PRDM16: variants seen among roughly 807,000 people sequenced by gnomAD.
PRDM16 encodes histone-lysine N-methyltransferase PRDM16.
PRDM16 carries 23 observed loss-of-function variants against 110.6 expected under a neutral mutation model. The observed-to-expected ratio is 0.21, with a 90% CI of 0.15 to 0.29. The LOEUF (loss-of-function observed/expected upper bound fraction) is 0.29. Ranked by LOEUF, PRDM16 falls within the 10% of genes least tolerant of loss-of-function variation. The probability of loss-of-function intolerance (pLI) is 1.00; values close to 1 mark genes in which losing one functional copy is unlikely to be tolerated. For missense variants in PRDM16, 1,615 were observed against 1,794.3 expected, an observed-to-expected ratio of 0.90 and a Z score of 1.81; for synonymous variants, 799 against 781.8, an observed-to-expected ratio of 1.02 and a Z score of -0.37.
rs1638626156 is a variant in PRDM16, at chr1:3,201,477, C to T, written c.387+15003C>T. On this transcript the variant is annotated intron_variant, in intron 2 of 16. Transcript: ENST00000270722. This position sits in a 1 kb window ranked among gnomAD's most constrained non-coding sequence, Gnocchi z 4.1. The stretch of plus-strand genomic sequence containing the variant: ...AGCTCCCACCGCAGGGCCCAGCCTC[C>T]TGCTCACTGGGATATTCCCTCATGA... 1.3e-5 allele frequency among the ~76,000 whole-genome samples: 2 copies of T among 152,320 alleles called. No homozygotes were observed. The highest frequency in any genetic ancestry group is 2.1e-4 in the South Asian group (1 of 4,824).
Position 3,390,369 on chromosome 1 carries a change from G to A in PRDM16, c.573+5083G>A, listed in dbSNP as rs914876281. ...CGGGCCCCCCAGCGTACCACGGAACGGCTGTAGGGCTCTCAAACGACCTGT... is the reference window on the plus strand; with the variant it reads ...CGGGCCCCCCAGCGTACCACGGAACAGCTGTAGGGCTCTCAAACGACCTGT... On this transcript the variant is annotated intron_variant, in intron 4 of 16. Transcript: ENST00000270722. The surrounding 1 kb of genome is among the most constrained non-coding windows in gnomAD (Gnocchi z 5.0). Among the ~76,000 whole-genome samples, 7 of 152,264 alleles carry A rather than the reference G, an allele frequency of 4.6e-5. No homozygotes were observed. The highest frequency in any genetic ancestry group is 2.1e-4 in the South Asian group (1 of 4,816).
intron 3 of PRDM16, among the ~76,000 whole-genome samples, chr1:3,247,926 C>T (rs1413282602): frequency 6.6e-6 from 1 of 152,238 alleles, no homozygotes; most frequent in East Asian, 1.9e-4. Flanking sequence ...AGCCCGGGGG[C>T]TCCTGGAGAG....
chr1:3,185,693 A>G (rs1320039687), intron 1 of PRDM16, among the ~76,000 whole-genome samples: 1 of 152,188 alleles, frequency 6.6e-6, no homozygotes, highest in African/African-American at 2.4e-5. Flanking sequence ...TCTGGTGCAA[A>G]TATTTCACCA....
chr1:3,170,466 G>C (rs1481004199), intron 1 of PRDM16, among the ~76,000 whole-genome samples: 1 of 152,162 alleles, frequency 6.6e-6, no homozygotes, highest in Non-Finnish European at 1.5e-5. Context: ...CAGGTGCTGG[G>C]CAATGAGTTT....
In PRDM16 at chr1:3,314,071, CGG is replaced by C. The variant is rs747479644; in HGVS notation, c.438+69944_438+69945del. On this transcript the variant is annotated intron_variant, in intron 3 of 16. Transcript: ENST00000270722. ...GCCCCCGAATGCCGTCCTTCCCCAC[CGG>C]GGGGGGGGGCGGGAACATAAAATGG... is the stretch of plus-strand genomic sequence containing the variant. Among the ~76,000 whole-genome samples the C allele has an allele frequency of 7.9e-3, 798 of 100,658 alleles. 151 individuals carry two copies. The highest frequency in any genetic ancestry group is 0.046 in the African/African-American group (753 of 16,358). The allele number at this position is 100,658 out of a possible 152,430, so 66.0% of individuals were successfully genotyped here. A position where few individuals can be genotyped will look rare whatever the true frequency, so the allele number is the denominator to read the frequency against.
At chr1:3,214,357 A>G (rs1163871746) in intron 2 of PRDM16, among the ~76,000 whole-genome samples, 1 of 152,128 alleles carries the variant, frequency 6.6e-6, no homozygotes, top group Non-Finnish European at 1.5e-5. Flanking sequence ...GGCTTTTAAG[A>G]GCTGATGTCC....
At chr1:3,286,753 C>T (rs1640852973) in intron 3 of PRDM16, among the ~76,000 whole-genome samples, 1 of 152,202 alleles carries the variant, frequency 6.6e-6, no homozygotes, top group Non-Finnish European at 1.5e-5. Flanking sequence ...GCTTAACTCA[C>T]AGGAGACCTG....
rs369660990 is a variant in PRDM16 at position 3,385,298 on chromosome 1, C to T, written c.573+12C>T. On this transcript the variant is annotated intron_variant, in intron 4 of 16. Coordinates refer to ENST00000270722, the MANE Select transcript of PRDM16 (RefSeq NM_022114.4). ...AGATCAGTGAGCAGGTAGGTCCGGG[C>T]TCATAACAGGGGCTTCTGCCTCTTG... 1 of 1,613,124 alleles carries T rather than the reference C, an allele frequency of 6.2e-7. No individual in the cohort carries two copies.
intron 3 of PRDM16, among the ~76,000 whole-genome samples, chr1:3,266,153 GA>G (rs1340976554): frequency 6.6e-6 from 1 of 152,220 alleles, no homozygotes; most frequent in Non-Finnish European, 1.5e-5. Context: ...TGCTGCTTCA[GA>G]AGTTCAGAAA....
At chr1:3,279,608 C>T (rs921256827) in intron 3 of PRDM16, among the ~76,000 whole-genome samples, 9 of 152,236 alleles carry the variant, frequency 5.9e-5, no homozygotes, top group African/African-American at 1.9e-4. Context: ...AGGAAGGTGC[C>T]GGCCCCTCTC....
chr1:3,093,018 C>T (rs949344865), intron 1 of PRDM16, among the ~76,000 whole-genome samples: 2 of 152,278 alleles, frequency 1.3e-5, no homozygotes. Flanking sequence ...AATCACTGTC[C>T]AACTCCTGTA....
chr1:3,243,143 C>T lies in PRDM16; in HGVS notation c.388-944C>T, dbSNP rs536456193. The stretch of plus-strand genomic sequence containing the variant: ...CTGGCCCACTCCAGCCTCCCTGTCT[C>T]GGCCTCTGTCCACACGTGGGTGAGG... On this transcript the variant is annotated intron_variant, in intron 2 of 16. Transcript: ENST00000270722. The surrounding 1 kb of genome is among the most constrained non-coding windows in gnomAD (Gnocchi z 5.5). Among the ~76,000 whole-genome samples the T allele has an allele frequency of 6.6e-6, 1 of 152,358 alleles. No homozygotes were observed. The highest frequency in any genetic ancestry group is 6.5e-5 in the Admixed American group (1 of 15,310).
chr1:3,305,082 G>A (rs1397621307), intron 3 of PRDM16, among the ~76,000 whole-genome samples: 6 of 152,176 alleles, frequency 3.9e-5, no homozygotes, highest in East Asian at 1.9e-4. Flanking sequence ...GCTCCCAGCC[G>A]GAAAGCCTGT....
In PRDM16 at chr1:3,433,733, G is replaced by A. The variant is rs751372298; in HGVS notation, c.3753G>A (p.Gln1251=). The A allele has an allele frequency of 1.8e-5, 29 of 1,613,898 alleles. No individual in the cohort carries two copies. In the South Asian group the frequency reaches 3.1e-4, roughly 17 times the overall value. ...SEDTPLHTPS[Q]GSLDAWLKVT... ...ACACTCCTCTCCACACCCCCTCCCA[G>A]GGTTCTCTGGACGCTTGGTTGAAGG... Residue 1251 remains glutamine (Q), a synonymous_variant, in exon 17 of 17, where the codon CAG becomes CAA. Transcript: ENST00000270722.
rs375627958 is a variant in PRDM16, at chr1:3,207,028, G to A, written c.387+20554G>A. ...ACCTGCTTCCAGGAAGGTGGAAAAG[G>A]CCCATGGGATGCAGAGCAGAGGAGA... On this transcript the variant is annotated intron_variant, in intron 2 of 16. Coordinates refer to ENST00000270722, the MANE Select transcript of PRDM16 (RefSeq NM_022114.4). 9 of 152,352 alleles carry A rather than the reference G, an allele frequency of 5.9e-5. No homozygotes were observed. The South Asian group carries it at 6.2e-4, about 11-fold the overall frequency. 9.4% of individuals were successfully genotyped at this position (152,352 alleles called of 1,614,324 possible). A position where few individuals can be genotyped will look rare whatever the true frequency, so the allele number is the denominator to read the frequency against.
intron 3 of PRDM16, among the ~76,000 whole-genome samples, chr1:3,277,485 T>C (rs1311575194): frequency 6.6e-6 from 1 of 152,204 alleles, no homozygotes; most frequent in East Asian, 1.9e-4. Flanking sequence ...TGGGTGCCTC[T>C]GTGAAGACAG....
chr1:3,186,863 T>C (rs965082437), intron 2 of PRDM16, among the ~76,000 whole-genome samples: 18 of 152,096 alleles, frequency 1.2e-4, no homozygotes, highest in Non-Finnish European at 2.4e-4. Context: ...GCCAGGGCAG[T>C]GTGGAGCCGC....
chr1:3,219,931 C>G (rs190549208), intron 2 of PRDM16, among the ~76,000 whole-genome samples: 1 of 152,180 alleles, frequency 6.6e-6, no homozygotes, highest in Non-Finnish European at 1.5e-5. Context: ...GGACCCAGAC[C>G]GGCGGAGTCT....
chr1:3,394,552 C>T, intron 4 of PRDM16: 2 of 411,912 alleles, frequency 4.9e-6, no homozygotes, highest in Non-Finnish European at 9.9e-6. Flanking sequence ...GGCCAGGGTC[C>T]ACATTGCCCT....
Sources: allele counts gnomAD v4.1 joint callset (sites outside exome capture counted in the v4.1 genomes callset), GRCh38; gene constraint gnomAD v4.1.1; non-coding constraint Gnocchi (gnomAD v3.1); transcripts MANE v1.5; gene names NCBI Gene and HGNC (gene_info 2026-07-23, HGNC 2026-07-21).